The following DPP6 variants were observed in gnomAD, a reference collection of about 807,000 sequenced individuals.
DPP6 encodes A-type potassium channel modulatory protein DPP6.
A neutral mutation model predicts 122.6 loss-of-function variants in DPP6; 69 were observed. The observed-to-expected ratio is 0.56, with a 90% confidence interval of 0.46 to 0.69. The LOEUF (loss-of-function observed/expected upper bound fraction) is 0.69, where lower values mean the gene tolerates loss of function less well. DPP6 is among the 30% of genes least tolerant of loss of function. DPP6 has a pLI of 0.00. For missense variants in DPP6, 928 were observed against 1,116.9 expected, an observed-to-expected ratio of 0.83 and a Z score of 2.41; for synonymous variants, 418 against 433.1, an observed-to-expected ratio of 0.97 and a Z score of 0.43.
chr7:154,747,442 C>G (rs563210461), intron 8 of DPP6, among the ~76,000 whole-genome samples: 6 of 152,286 alleles, frequency 3.9e-5, no homozygotes, highest in African/African-American at 1.4e-4. Flanking sequence ...TCTACCTCCA[C>G]CATTTACTGG....
intron 1 of DPP6, among the ~76,000 whole-genome samples, chr7:154,424,701 T>A (rs1817747851): frequency 6.6e-6 from 1 of 152,210 alleles, no homozygotes; most frequent in South Asian, 2.1e-4. Context: ...GATTTAGATG[T>A]CTTTGGGCGG....
intron 1 of DPP6, among the ~76,000 whole-genome samples, chr7:154,335,274 T>C (rs976195628): frequency 1.3e-5 from 2 of 152,186 alleles, no homozygotes; most frequent in African/African-American, 4.8e-5. Context: ...GCTTCTCACA[T>C]CTCTTACACA....
chr7:154,496,048 C>T (rs1458353008), intron 3 of DPP6, among the ~76,000 whole-genome samples: 2 of 152,166 alleles, frequency 1.3e-5, no homozygotes, highest in Non-Finnish European at 1.5e-5. Context: ...TCGTAATAGA[C>T]AATTTAGTAG....
At chr7:154,482,477 T>C (rs1375065335) in intron 3 of DPP6, among the ~76,000 whole-genome samples, 1 of 152,124 alleles carries the variant, frequency 6.6e-6, no homozygotes, top group African/African-American at 2.4e-5. Flanking sequence ...AAATTAGAAA[T>C]CAGAGATTAA....
chr7:154,434,654 C>T (rs1199693825), intron 1 of DPP6, among the ~76,000 whole-genome samples: 2 of 152,160 alleles, frequency 1.3e-5, no homozygotes, highest in African/African-American at 2.4e-5. Context: ...TCAAAGTGCT[C>T]TTATCTTCTG....
At chr7:154,798,144 G>A (rs769695443) in intron 12 of DPP6, among the ~76,000 whole-genome samples, 2 of 152,302 alleles carry the variant, frequency 1.3e-5, no homozygotes, top group East Asian at 3.9e-4. Context: ...ATTCTCACAG[G>A]GGGAGCTGGC....
chr7:154,163,927 C>T (rs1454868965), intron 1 of DPP6, among the ~76,000 whole-genome samples: 2 of 152,162 alleles, frequency 1.3e-5, no homozygotes, highest in African/African-American at 2.4e-5. Context: ...CACTCAGCTT[C>T]AGCTCAGGCC....
the DPP6 span, among the ~76,000 whole-genome samples, chr7:153,864,738 T>C: frequency 1.3e-5 from 2 of 149,372 alleles, no homozygotes; most frequent in Non-Finnish European, 3.0e-5. Context: ...TGGGGAACTT[T>C]TAACAGGGAA....
intron 1 of DPP6, among the ~76,000 whole-genome samples, chr7:154,158,938 C>T (rs1384664508): frequency 6.6e-6 from 1 of 152,058 alleles, no homozygotes; most frequent in Non-Finnish European, 1.5e-5. Flanking sequence ...CACTTGCACA[C>T]TGTCCCATCT....
intron 17 of DPP6, among the ~76,000 whole-genome samples, chr7:154,855,570 G>T (rs891496568): frequency 6.6e-6 from 1 of 152,152 alleles, no homozygotes; most frequent in African/African-American, 2.4e-5. Flanking sequence ...TGTTGGGCGC[G>T]ATTGCCTGGG....
chr7:153,757,533 T>G, the DPP6 span, among the ~76,000 whole-genome samples: 1 of 152,072 alleles, frequency 6.6e-6, no homozygotes, highest in Middle Eastern at 3.4e-3. Flanking sequence ...ATTGGTTGAG[T>G]GGGGCACCTG....
At chr7:154,039,960 C>T in intron 1 of DPP6, among the ~76,000 whole-genome samples, 1 of 109,746 alleles carries the variant, frequency 9.1e-6, no homozygotes, top group East Asian at 2.3e-4. Flanking sequence ...CCCGGGCTCC[C>T]GGGGCTGGAC....
chr7:153,912,282 CAAAT>C (rs1427028506), intron 1 of DPP6, among the ~76,000 whole-genome samples: 2 of 152,164 alleles, frequency 1.3e-5, no homozygotes, highest in African/African-American at 2.4e-5. Context: ...TATACACACT[CAAAT>C]AAAACGAACT....
chr7:153,963,063 T>A (rs1409967999), intron 1 of DPP6, among the ~76,000 whole-genome samples: 1 of 152,200 alleles, frequency 6.6e-6, no homozygotes. Flanking sequence ...TCTATACATT[T>A]ATTAAAGACC....
intron 5 of DPP6, among the ~76,000 whole-genome samples, chr7:154,579,096 C>T (rs1831875457): frequency 6.6e-6 from 1 of 152,142 alleles, no homozygotes; most frequent in Admixed American, 6.5e-5. Context: ...TGCCTGTAAT[C>T]CCAGCACTTT....
intron 3 of DPP6, among the ~76,000 whole-genome samples, chr7:154,480,383 A>G (rs1314554238): frequency 1.3e-5 from 2 of 152,136 alleles, no homozygotes; most frequent in Non-Finnish European, 2.9e-5. Flanking sequence ...TCCTCTTGTC[A>G]AGGTCAGAGA....
intron 1 of DPP6, among the ~76,000 whole-genome samples, chr7:154,302,609 C>T (rs1805985934): frequency 6.6e-6 from 1 of 152,194 alleles, no homozygotes; most frequent in African/African-American, 2.4e-5. Context: ...CAATCTGATC[C>T]CAGCAGGACA....
intron 3 of DPP6, among the ~76,000 whole-genome samples, chr7:154,499,027 T>C (rs1428406584): frequency 6.6e-6 from 1 of 152,222 alleles, no homozygotes; most frequent in Non-Finnish European, 1.5e-5. Flanking sequence ...TTGTGGTAGC[T>C]TTCAGCTCAC....
At position 154,566,064 on chromosome 7, in the gene DPP6, C is replaced by T. The variant is rs1830726340; in HGVS notation, c.553-778C>T. Among the ~76,000 whole-genome samples the T allele has an allele frequency of 2.0e-5, 3 of 152,276 alleles. No individual in the cohort carries two copies. In the South Asian group the frequency reaches 6.2e-4, roughly 32 times the overall value. ...TGAAGAAATTTGAAGGAAAAAGTCA[C>T]AGTTAGTCTTCTATGTACTGACTTG... On this transcript the variant is annotated intron_variant, in intron 4 of 25. Transcript: ENST00000377770.
Sources: gnomAD v4.1 joint callset for allele counts (sites outside exome capture counted in the v4.1 genomes callset) on GRCh38, gnomAD v4.1.1 for gene constraint, MANE v1.5 for transcripts, NCBI Gene and HGNC (gene_info 2026-07-23, HGNC 2026-07-21) for gene names.